ZNF570: variants seen among roughly 807,000 people sequenced by gnomAD.
ZNF570 encodes zinc finger protein 570.
Under a neutral mutation model 14.2 loss-of-function variants are expected in ZNF570, and 8 were observed. The ratio of observed to expected loss-of-function variants is 0.56; its 90% CI spans 0.33 to 1.02. The LOEUF (loss-of-function observed/expected upper bound fraction) is 1.02. Ranked by LOEUF, ZNF570 falls within the 50% of genes least tolerant of loss-of-function variation. The pLI, the probability that ZNF570 is intolerant of heterozygous loss-of-function variation, is 0.03. For missense variants in ZNF570, 559 were observed against 624.9 expected, an observed-to-expected ratio of 0.89 and a Z score of 1.12; for synonymous variants, 202 against 207.6, an observed-to-expected ratio of 0.97 and a Z score of 0.23.
In ZNF570 at chr19:37,476,523, A is replaced by C; in HGVS notation, c.256+89A>C. On this transcript the variant is annotated intron_variant, in intron 4 of 4. Transcript: ENST00000330173. ...CACCTCTTCACTCTTCAGGCTTCCA[A>C]ATTCTTCTCAAATGTTCTAGGTTTT... is the stretch of plus-strand genomic sequence containing the variant. 9.9e-6 allele frequency: 14 copies of C among 1,416,322 alleles called. 1 individual carries two copies. In the South Asian group the frequency reaches 2.4e-4, roughly 24 times the overall value. 87.7% of individuals were successfully genotyped at this position (1,416,322 alleles called of 1,614,324 possible).
chr19:37,469,185 G>C, upstream of ZNF570: 1 of 1,236,806 alleles, frequency 8.1e-7, no homozygotes, highest in Non-Finnish European at 1.0e-6. Context: ...CAGTGTGGGA[G>C]GACCTGGTGG....
Position 37,484,360 on chromosome 19 carries a change from T to C in ZNF570, c.738T>C (p.Tyr246=). 6.2e-7 allele frequency: 1 copy of C among 1,614,092 alleles called. No individual in the cohort carries two copies. Among genetic ancestry groups the C allele is most frequent in the Non-Finnish European group, 8.5e-7 (1 of 1,180,034 alleles). ...HQRIHTGEKP[Y]KCIECGKAFS... ...GAATTCATACTGGAGAGAAACCCTATAAATGTATAGAGTGTGGAAAAGCCT... is the reference window on the plus strand; with the variant it reads ...GAATTCATACTGGAGAGAAACCCTACAAATGTATAGAGTGTGGAAAAGCCT... Residue 246 remains tyrosine (Y), a synonymous_variant, in exon 5 of 5, where the codon TAT becomes TAC. Transcript: ENST00000330173.
chr19:37,472,603 G>A (rs1008747861), intron 2 of ZNF570, among the ~76,000 whole-genome samples: 113 of 152,038 alleles, frequency 7.4e-4, no homozygotes, highest in Non-Finnish European at 6.6e-4. Flanking sequence ...TTAACCGGGC[G>A]TAGTTGCGCA....
chr19:37,470,264 A>C (rs1424441944), intron 1 of ZNF570, 40 bp from the exon 2 acceptor site: 3 of 1,591,702 alleles, frequency 1.9e-6, no homozygotes, highest in Non-Finnish European at 2.6e-6. Flanking sequence ...TGGATGCTGC[A>C]AGAAAAGTCT....
At position 37,484,391 on chromosome 19, in the gene ZNF570, C is replaced by G. The variant is rs373262189; in HGVS notation, c.769C>G (p.Gln257Glu). Reference protein sequence around the residue: ...KCIECGKAFSQRSNLVQHQRI... With the variant: ...KCIECGKAFSERSNLVQHQRI... ...TATAGAGTGTGGAAAAGCCTTCAGCCAGAGATCAAATCTTGTTCAACATCA... is the reference window on the plus strand; with the variant it reads ...TATAGAGTGTGGAAAAGCCTTCAGCGAGAGATCAAATCTTGTTCAACATCA... The change falls in exon 5 of 5, where the codon CAG (glutamine) becomes GAG (glutamate). Residue 257 changes from glutamine to glutamate, a missense_variant. Gln to Glu is a conservative substitution (Grantham distance 29). Transcript: ENST00000330173. 53 of 1,613,838 alleles carry G rather than the reference C, an allele frequency of 3.3e-5. No individual in the cohort carries two copies. The highest frequency in any genetic ancestry group is 3.1e-5 in the Non-Finnish European group (36 of 1,179,986).
chr19:37,469,014 C>G, upstream of ZNF570: 1 of 981,072 alleles, frequency 1.0e-6, no homozygotes, highest in Non-Finnish European at 1.2e-6. Flanking sequence ...ATTCTCAACT[C>G]CCCGCCCTGG....
upstream of ZNF570, chr19:37,469,230 G>T: frequency 7.4e-7 from 1 of 1,358,550 alleles, no homozygotes; most frequent in Non-Finnish European, 9.5e-7. Flanking sequence ...GCGCGGAGCT[G>T]CACCGCTGCT....
intron 2 of ZNF570, among the ~76,000 whole-genome samples, 153 bp downstream of exon 2, chr19:37,470,540 G>A (rs772670691): frequency 3.3e-5 from 5 of 152,046 alleles, no homozygotes; most frequent in South Asian, 2.1e-4. Flanking sequence ...AGATAAACGC[G>A]TAAGTCCTTG....
intron 4 of ZNF570, among the ~76,000 whole-genome samples, chr19:37,483,308 A>G (rs2042108438): frequency 6.6e-6 from 1 of 152,110 alleles, no homozygotes; most frequent in Admixed American, 6.6e-5. Flanking sequence ...TCTTTGCTTA[A>G]ATGTTAACTT....
chr19:37,477,621 C>A (rs1347642606), intron 4 of ZNF570, among the ~76,000 whole-genome samples: 1 of 152,016 alleles, frequency 6.6e-6, no homozygotes, highest in Admixed American at 6.6e-5. Flanking sequence ...GGATTACAGA[C>A]GTGAGCCACT....
intron 4 of ZNF570, among the ~76,000 whole-genome samples, chr19:37,483,318 T>C (rs1298948018): frequency 6.6e-6 from 1 of 152,192 alleles, no homozygotes; most frequent in Admixed American, 6.5e-5. Flanking sequence ...AATGTTAACT[T>C]GTTAATGATT....
At chr19:37,473,183 A>G (rs530564625) in intron 2 of ZNF570, among the ~76,000 whole-genome samples, 1 of 152,318 alleles carries the variant, frequency 6.6e-6, no homozygotes, top group South Asian at 2.1e-4. Flanking sequence ...GAAGGGATGA[A>G]TGGACTAGGG....
At position 37,488,032 on chromosome 19, in the gene ZNF570, T is replaced by G. The variant is rs1472748918; in HGVS notation, c.*2799T>G. On this transcript the variant is annotated 3_prime_UTR_variant, in exon 5 of 5. Transcript: ENST00000330173. ...CATACGGTGCTATAGGAAGTAGTTG[T>G]GTTTAGCATAATTTGGCAATGTCTA... 4 of 152,256 alleles carry G rather than the reference T, an allele frequency of 2.6e-5. No individual in the cohort carries two copies. The highest frequency in any genetic ancestry group is 9.6e-5 in the African/African-American group (4 of 41,462). The allele number at this position is 152,256 out of a possible 1,614,324, so 9.4% of individuals were successfully genotyped here.
intron 2 of ZNF570, among the ~76,000 whole-genome samples, chr19:37,471,236 A>G (rs574788131): frequency 7.5e-5 from 11 of 147,238 alleles, no homozygotes; most frequent in African/African-American, 2.8e-4. Context: ...GATGGTCTCG[A>G]TCTCCTGACC....
chr19:37,467,854 G>T, upstream of ZNF570: 1 of 1,535,506 alleles, frequency 6.5e-7, no homozygotes, highest in South Asian at 1.2e-5. Flanking sequence ...TATTCTCGTG[G>T]CTGTTTGATT....
In ZNF570 at chr19:37,484,384, C is replaced by T. The variant is rs764494073; in HGVS notation, c.762C>T (p.Ala254=). The T allele has an allele frequency of 2.5e-6, 4 of 1,613,844 alleles. No individual in the cohort carries two copies. Among genetic ancestry groups the T allele is most frequent in the Non-Finnish European group, 3.4e-6 (4 of 1,179,956 alleles). Residue 254 remains alanine, a synonymous_variant, in exon 5 of 5, where the codon GCC becomes GCT. Coordinates refer to ENST00000330173, the MANE Select transcript of ZNF570 (RefSeq NM_144694.5). Reference sequence around the variant, plus strand: ...ATAAATGTATAGAGTGTGGAAAAGCCTTCAGCCAGAGATCAAATCTTGTTC... The same window carrying T: ...ATAAATGTATAGAGTGTGGAAAAGCTTTCAGCCAGAGATCAAATCTTGTTC... The part of the protein sequence containing the change: ...KPYKCIECGK[A]FSQRSNLVQH...
rs1380982866 is a variant in ZNF570, at chr19:37,488,631, A to C, written c.*3398A>C. 3.3e-5 allele frequency: 5 copies of C among 152,170 alleles called. No homozygotes were observed. Among genetic ancestry groups the C allele is most frequent in the African/African-American group, 1.2e-4 (5 of 41,432 alleles). 9.4% of individuals were successfully genotyped at this position (152,170 alleles called of 1,614,324 possible). A position where few individuals can be genotyped will look rare whatever the true frequency, so the allele number is the denominator to read the frequency against. ...TGTATAAACTATTTCATAATGCAAA[A>C]AAATAAAGAATATTTAAATGATGTT... is the stretch of plus-strand genomic sequence containing the variant. On this transcript the variant is annotated 3_prime_UTR_variant, in exon 5 of 5. Transcript: ENST00000330173.
intron 2 of ZNF570, among the ~76,000 whole-genome samples, chr19:37,475,618 A>G (rs993229701): frequency 6.6e-6 from 1 of 152,152 alleles, no homozygotes; most frequent in Non-Finnish European, 1.5e-5. Flanking sequence ...ATTTTAGTTG[A>G]GGAGGGTGAA....
upstream of ZNF570, chr19:37,469,239 C>G: frequency 1.5e-6 from 2 of 1,372,528 alleles, no homozygotes; most frequent in Non-Finnish European, 1.9e-6. Context: ...TGCACCGCTG[C>G]TGCCAGACAC....
Sources: allele counts gnomAD v4.1 joint callset (sites outside exome capture counted in the v4.1 genomes callset), GRCh38; gene constraint gnomAD v4.1.1; transcripts MANE v1.5; gene names NCBI Gene and HGNC (gene_info 2026-07-23, HGNC 2026-07-21).